NUP58: variants seen among roughly 807,000 people sequenced by gnomAD.
NUP58 encodes nucleoporin 58, also known as nucleoporin p58/p45.
NUP58 carries 17 observed loss-of-function variants against 70.1 expected under a neutral mutation model. The ratio of observed to expected loss-of-function variants is 0.24; its 90% CI spans 0.17 to 0.36. The LOEUF is 0.36. Ranked by LOEUF, NUP58 falls within the 10% of genes least tolerant of loss-of-function variation. The pLI is 1.00. For missense variants in NUP58, 644 were observed against 701.5 expected (o/e 0.92, Z 0.93); for synonymous variants, 275 against 257.6 (o/e 1.07, Z -0.65).
chr13:25,312,977 C>T lies in NUP58; in HGVS notation c.381C>T (p.Thr127=). ...ASATPFALPI[T]STSASGLTLS... ...CCACACCATTTGCTCTACCTATTAC[C>T]TCTACCTCAGCTAGCGGTCTGACTC... is the stretch of plus-strand genomic sequence containing the variant. The change falls in exon 4 of 16, where the codon ACC becomes ACT. Residue 127 remains threonine (T), a synonymous_variant. Transcript: ENST00000381736. The T allele has an allele frequency of 6.2e-7, 1 of 1,614,196 alleles. No homozygotes were observed.
chr13:25,334,168 C>T (rs1443773428), intron 13 of NUP58: 10 of 985,194 alleles, frequency 1.0e-5, no homozygotes, highest in African/African-American at 3.5e-5. Flanking sequence ...GCATCGATAA[C>T]GTGGATAACG....
intron 1 of NUP58, among the ~76,000 whole-genome samples, chr13:25,304,478 T>TATA (rs1433159616): frequency 7.4e-4 from 62 of 83,426 alleles, no homozygotes; most frequent in Non-Finnish European, 9.6e-4. Flanking sequence ...GTTGTCAAGA[T>TATA]TATATATATA....
rs2031981676 is a variant in NUP58 at position 25,342,312 on chromosome 13, ATTAAT to A, written c.*2181_*2185del. The A allele has an allele frequency of 6.6e-6, 1 of 152,550 alleles. No individual in the cohort carries two copies. The highest frequency in any genetic ancestry group is 6.6e-5 in the Admixed American group (1 of 15,262). 9.4% of individuals were successfully genotyped at this position (152,550 alleles called of 1,614,324 possible). Reference sequence around the variant, plus strand: ...TTGAGCCACTGGAAATTTGTAACAGATTAATTTGTTATAGGAGTTTAAATGTGTTG... The same window carrying A: ...TTGAGCCACTGGAAATTTGTAACAGATTGTTATAGGAGTTTAAATGTGTTG... On this transcript the variant is annotated 3_prime_UTR_variant, in exon 16 of 16. Transcript: ENST00000381736.
At chr13:25,320,769 T>C in intron 8 of NUP58, 150 bp from the exon 9 acceptor site, 1 of 725,530 alleles carries the variant, frequency 1.4e-6, no homozygotes. Context: ...ATTAAAATTG[T>C]ATAACTTCCA....
chr13:25,334,994 T>A (rs1253008254), intron 13 of NUP58: 1 of 985,138 alleles, frequency 1.0e-6, no homozygotes, highest in Non-Finnish European at 1.2e-6. Context: ...CCTGAAGGAT[T>A]TAGACTGCTT....
intron 11 of NUP58, 33 bp downstream of exon 11, chr13:25,327,067 CTTTTG>C (rs760001712): frequency 1.9e-5 from 25 of 1,288,466 alleles, no homozygotes; most frequent in Non-Finnish European, 2.7e-5. Flanking sequence ...TTTTTTTGAA[CTTTTG>C]TTTGTAGGAG....
intron 15 of NUP58, 86 bp downstream of exon 15, chr13:25,338,817 C>T (rs966468763): frequency 1.8e-6 from 2 of 1,100,454 alleles, no homozygotes; most frequent in South Asian, 2.8e-5. Context: ...TTCCAGTAAC[C>T]CAAAAAGTTC....
intron 2 of NUP58, among the ~76,000 whole-genome samples, chr13:25,308,301 A>AT (rs1306494132): frequency 1.3e-5 from 2 of 151,388 alleles, no homozygotes; most frequent in Non-Finnish European, 2.9e-5. Context: ...CATAATTTCT[A>AT]TTTTTTTTCT....
At chr13:25,335,755 A>T in intron 13 of NUP58, 1 of 983,668 alleles carries the variant, frequency 1.0e-6, no homozygotes, top group Non-Finnish European at 1.2e-6. Context: ...TTAATATACA[A>T]ACCTCATTCT....
At chr13:25,339,297 A>G (rs2031884931) in intron 15 of NUP58, among the ~76,000 whole-genome samples, 2 of 152,326 alleles carry the variant, frequency 1.3e-5, no homozygotes, top group South Asian at 2.1e-4. Flanking sequence ...GACAAATACC[A>G]TATCTAATGT....
At chr13:25,316,973 A>G (rs1363418549) in intron 6 of NUP58, among the ~76,000 whole-genome samples, 3 of 152,208 alleles carry the variant, frequency 2.0e-5, no homozygotes, top group Admixed American at 1.3e-4. Flanking sequence ...TGTTTCTACT[A>G]TGGATCTCTG....
chr13:25,325,706 G>C (rs950196213), intron 10 of NUP58, among the ~76,000 whole-genome samples: 2 of 152,100 alleles, frequency 1.3e-5, no homozygotes, highest in Non-Finnish European at 2.9e-5. Context: ...GAGTGGTGGA[G>C]GTCTGTTTGA....
chr13:25,307,986 T>TG, intron 2 of NUP58, 38 bp downstream of exon 2: 1 of 1,606,198 alleles, frequency 6.2e-7, no homozygotes, highest in African/African-American at 1.3e-5. Flanking sequence ...AGAGTAGGCT[T>TG]GGGATATTCT....
chr13:25,315,302 A>C (rs1191501413), intron 5 of NUP58, 55 bp from the exon 6 acceptor site: 1 of 1,267,434 alleles, frequency 7.9e-7, no homozygotes, highest in Non-Finnish European at 1.1e-6. Context: ...TTGATCAGTA[A>C]GGGGAAATTG....
intron 6 of NUP58, 106 bp downstream of exon 6, chr13:25,315,573 G>C: frequency 1.4e-6 from 1 of 731,348 alleles, no homozygotes; most frequent in Non-Finnish European, 2.4e-6. Context: ...ATATTTAGTA[G>C]TAACAGTTAG....
chr13:25,323,166 G>A (rs1269232612), intron 9 of NUP58, among the ~76,000 whole-genome samples: 1 of 152,088 alleles, frequency 6.6e-6, no homozygotes, highest in Non-Finnish European at 1.5e-5. Context: ...AGATTGAGAA[G>A]AGCATAAAGG....
chr13:25,309,695 T>A (rs572106038), intron 3 of NUP58, among the ~76,000 whole-genome samples: 1 of 152,278 alleles, frequency 6.6e-6, no homozygotes, highest in South Asian at 2.1e-4. Flanking sequence ...TGAACTAATA[T>A]CCAAAGACAT....
chr13:25,312,821 G>T, intron 3 of NUP58, 62 bp from the exon 4 acceptor site: 1 of 1,492,952 alleles, frequency 6.7e-7, no homozygotes, highest in Non-Finnish European at 9.1e-7. Context: ...CAGTATAATA[G>T]AACACTTACA....
chr13:25,336,169 A>G, intron 13 of NUP58: 1 of 1,361,418 alleles, frequency 7.3e-7, no homozygotes, highest in Non-Finnish European at 9.8e-7. Context: ...CTGTCAAGGT[A>G]CACAGCGGTG....
Sources: allele counts gnomAD v4.1 joint callset (sites outside exome capture counted in the v4.1 genomes callset), GRCh38; gene constraint gnomAD v4.1.1; transcripts MANE v1.5; gene names NCBI Gene and HGNC (gene_info 2026-07-23, HGNC 2026-07-21).